Variants in SCRG1 observed in about 807,000 individuals in gnomAD.
SCRG1 encodes the protein scrapie-responsive protein 1.
A neutral mutation model predicts 7.7 loss-of-function variants in SCRG1; 3 were observed. The ratio of observed to expected loss-of-function variants is 0.39; its 90% CI spans 0.18 to 1.01. SCRG1 has a LOEUF of 1.01. SCRG1 is among the 50% of genes least tolerant of loss of function. The pLI is 0.36. For missense variants in SCRG1, 110 were observed against 117.2 expected (o/e 0.94, Z 0.28); for synonymous variants, 46 against 41.2 (o/e 1.12, Z -0.44).
chr4:173,409,580 C>A (rs1251211686), upstream of SCRG1, among the ~76,000 whole-genome samples: 3 of 136,764 alleles, frequency 2.2e-5, no homozygotes, highest in Non-Finnish European at 4.6e-5. Context: ...TTGGTAGTTC[C>A]CTGCATACTT....
chr4:173,447,312 CCTAA>C, the SCRG1 span, among the ~76,000 whole-genome samples: 3 of 152,182 alleles, frequency 2.0e-5, no homozygotes, highest in Non-Finnish European at 4.4e-5. Context: ...CACCTCATAT[CCTAA>C]CTATCTCCCA....
chr4:173,476,356 A>AG, the SCRG1 span, among the ~76,000 whole-genome samples: 1 of 80,144 alleles, frequency 1.2e-5, no homozygotes, highest in Admixed American at 1.3e-4. Context: ...CTGAGGGGGA[A>AG]AAAAAAAATA....
At chr4:173,440,463 C>T in the SCRG1 span, among the ~76,000 whole-genome samples, 4 of 152,156 alleles carry the variant, frequency 2.6e-5, no homozygotes, top group African/African-American at 4.8e-5. Flanking sequence ...GATTGGTTTA[C>T]TTTAATAACA....
At chr4:173,462,796 G>T in the SCRG1 span, among the ~76,000 whole-genome samples, 1 of 152,084 alleles carries the variant, frequency 6.6e-6, no homozygotes, top group East Asian at 1.9e-4. Flanking sequence ...ACAACAAAAA[G>T]TTAAAAAGTG....
At chr4:173,507,816 GT>G in the SCRG1 span, among the ~76,000 whole-genome samples, 1 of 152,240 alleles carries the variant, frequency 6.6e-6, no homozygotes, top group Admixed American at 6.5e-5. The surrounding 1 kb of genome is among the most constrained non-coding windows in gnomAD (Gnocchi z 4.4). Context: ...AGCAGGTTCA[GT>G]GCCATTACTG....
the SCRG1 span, among the ~76,000 whole-genome samples, chr4:173,442,131 C>G: frequency 6.6e-6 from 1 of 152,208 alleles, no homozygotes; most frequent in East Asian, 1.9e-4. Context: ...ACTCTGGGAA[C>G]TTGCCTGCCT....
At chr4:173,486,907 C>T in the SCRG1 span, among the ~76,000 whole-genome samples, 2 of 152,160 alleles carry the variant, frequency 1.3e-5, no homozygotes, top group African/African-American at 4.8e-5. Context: ...CATTCAGGGC[C>T]TCCTTGTTGG....
At chr4:173,391,459 A>G (rs185124703) in intron 1 of SCRG1, 31 bp from the exon 2 acceptor site, 1 of 1,608,594 alleles carries the variant, frequency 6.2e-7, no homozygotes. Flanking sequence ...AAATGTGTCA[A>G]TGTTTGTTTT....
the SCRG1 span, among the ~76,000 whole-genome samples, chr4:173,430,286 G>A: frequency 1.1e-3 from 174 of 152,236 alleles, no homozygotes; most frequent in African/African-American, 3.9e-3. Flanking sequence ...CTCTCACTCA[G>A]GTTTAGGGTT....
chr4:173,449,121 C>T, the SCRG1 span, among the ~76,000 whole-genome samples: 27 of 152,288 alleles, frequency 1.8e-4, no homozygotes, highest in East Asian at 7.7e-4. Context: ...CAATGTAGGA[C>T]GTGTTACTGC....
At chr4:173,404,548 A>C (rs1355572227) in intron 1 of SCRG1, 1 of 152,220 alleles carries the variant, frequency 6.6e-6, no homozygotes, top group African/African-American at 2.4e-5. Context: ...TAAATGAATG[A>C]ATGAGTTAAT....
At chr4:173,484,209 T>G in the SCRG1 span, among the ~76,000 whole-genome samples, 1 of 86,004 alleles carries the variant, frequency 1.2e-5, no homozygotes, top group Non-Finnish European at 2.0e-5. Flanking sequence ...ATTATATATA[T>G]TTTCTATATT....
chr4:173,411,135 G>A (rs1433752904), upstream of SCRG1, among the ~76,000 whole-genome samples: 1 of 152,192 alleles, frequency 6.6e-6, no homozygotes, highest in Non-Finnish European at 1.5e-5. Context: ...TGAGAGTAGA[G>A]ATTTCCCGTT....
At chr4:173,463,360 G>GC in the SCRG1 span, among the ~76,000 whole-genome samples, 44 of 151,952 alleles carry the variant, frequency 2.9e-4, no homozygotes, top group Admixed American at 4.6e-4. Flanking sequence ...TGCAACCTCT[G>GC]CCCCCCCGGG....
chr4:173,489,656 C>T, the SCRG1 span, among the ~76,000 whole-genome samples: 46 of 152,254 alleles, frequency 3.0e-4, no homozygotes, highest in South Asian at 3.3e-3. Context: ...AAGAAGAAGA[C>T]ATTCTACCTC....
the SCRG1 span, among the ~76,000 whole-genome samples, chr4:173,491,199 T>TTA: frequency 5.5e-5 from 8 of 145,878 alleles, no homozygotes; most frequent in African/African-American, 2.0e-4. Context: ...TAATACAGAA[T>TTA]TCTCTCTCTC....
the SCRG1 span, among the ~76,000 whole-genome samples, chr4:173,487,635 C>T: frequency 5.9e-5 from 9 of 152,020 alleles, no homozygotes; most frequent in Admixed American, 5.9e-4. Context: ...AATTCTTAGA[C>T]AAAAGGCAAT....
At chr4:173,450,880 C>G in the SCRG1 span, among the ~76,000 whole-genome samples, 1 of 152,210 alleles carries the variant, frequency 6.6e-6, no homozygotes, top group African/African-American at 2.4e-5. Flanking sequence ...AGGGGAAAGG[C>G]CTGACCCAGG....
chr4:173,444,542 T>C, the SCRG1 span, among the ~76,000 whole-genome samples: 1 of 152,220 alleles, frequency 6.6e-6, no homozygotes, highest in Non-Finnish European at 1.5e-5. Flanking sequence ...AACAATAGGC[T>C]GTGGGCCGGC....
Sources: allele counts gnomAD v4.1 joint callset (sites outside exome capture counted in the v4.1 genomes callset), GRCh38; gene constraint gnomAD v4.1.1; non-coding constraint Gnocchi (gnomAD v3.1); transcripts MANE v1.5; gene names NCBI Gene and HGNC (gene_info 2026-07-23, HGNC 2026-07-21).